Variants in CDC42EP4 observed in about 807,000 individuals in gnomAD.
CDC42EP4 encodes CDC42 effector protein (Rho GTPase binding) 4.
A neutral mutation model predicts 5.6 loss-of-function variants in CDC42EP4; 6 were observed. The ratio of observed to expected loss-of-function variants is 1.07; its 90% CI spans 0.59 to 2.12. The LOEUF (loss-of-function observed/expected upper bound fraction) is 2.12. CDC42EP4 is among the 30% of genes most tolerant of loss of function. The pLI is 0.00. For synonymous variants in CDC42EP4, 230 were observed against 224.2 expected (o/e 1.03, Z -0.23); for missense variants, 490 against 508.6 (o/e 0.96, Z 0.35).
chr17:73,309,511 G>A (rs994621012), intron 1 of CDC42EP4, among the ~76,000 whole-genome samples: 1 of 152,108 alleles, frequency 6.6e-6, no homozygotes, highest in African/African-American at 2.4e-5. Flanking sequence ...GGTTCCAGAG[G>A]CAGCAGCACA....
At position 73,299,543 on chromosome 17, in the gene CDC42EP4, A is replaced by T. The variant is rs541636942; in HGVS notation, c.-113+12350T>A. On this transcript the variant is annotated intron_variant, in intron 1 of 1. Coordinates refer to ENST00000335793, the MANE Select transcript of CDC42EP4 (RefSeq NM_012121.5). ...TGCTCTTGAACTCCTAGCTTCAAGC[A>T]ATCTTCCTGCTTCAGCCTCCCAAAG... is the stretch of plus-strand genomic sequence containing the variant. Among the ~76,000 whole-genome samples, 3 of 151,978 alleles carry T rather than the reference A, an allele frequency of 2.0e-5. No homozygotes were observed. In the East Asian group the frequency reaches 5.8e-4, roughly 29 times the overall value.
chr17:73,301,993 C>T (rs74788916), intron 1 of CDC42EP4, among the ~76,000 whole-genome samples: 2 of 152,084 alleles, frequency 1.3e-5, no homozygotes, highest in South Asian at 4.2e-4. Flanking sequence ...CCCTGCCTGC[C>T]TGGCTAATTT....
At chr17:73,287,448 A>G (rs2062140361) in intron 1 of CDC42EP4, among the ~76,000 whole-genome samples, 1 of 152,084 alleles carries the variant, frequency 6.6e-6, no homozygotes, top group Admixed American at 6.6e-5. Flanking sequence ...TCCCCCCAGG[A>G]TCTGCAGACT....
intron 1 of CDC42EP4, among the ~76,000 whole-genome samples, chr17:73,289,851 AGAAGAAAG>A (rs1448878183): frequency 6.6e-6 from 1 of 151,856 alleles, no homozygotes; most frequent in Non-Finnish European, 1.5e-5. Context: ...GGAAAGGAAG[AGAAGAAAG>A]GAAGAAAGGA....
intron 1 of CDC42EP4, chr17:73,307,287 A>G (rs2062248484): frequency 2.0e-5 from 3 of 152,218 alleles, no homozygotes; most frequent in Admixed American, 2.0e-4. Context: ...ATCCTGGCAC[A>G]GAGCCCAGAG....
rs2062114766 is a variant in CDC42EP4 at position 73,283,769 on chromosome 17, G to A, written c.*1661C>T. On this transcript the variant is annotated 3_prime_UTR_variant, in exon 2 of 2. Coordinates refer to ENST00000335793, the MANE Select transcript of CDC42EP4 (RefSeq NM_012121.5). Reference sequence around the variant, plus strand: ...CCCCTGAGGTTCCTCCCCCACCATGGGACCTAAGCTATTGGAAACAGGAGC... The same window carrying A: ...CCCCTGAGGTTCCTCCCCCACCATGAGACCTAAGCTATTGGAAACAGGAGC... 1 of 152,270 alleles carries A rather than the reference G, an allele frequency of 6.6e-6. No homozygotes were observed. Among genetic ancestry groups the A allele is most frequent in the South Asian group, 2.1e-4 (1 of 4,820 alleles). The allele number at this position is 152,270 out of a possible 1,614,324, so 9.4% of individuals were successfully genotyped here.
chr17:73,286,370 C>G lies in CDC42EP4; in HGVS notation c.131G>C (p.Gly44Ala). ...GAAGGAGGTGTCCCCAAAGGCGTCT[C>G]CGGCCCGGCCAACGTGCATGGTGTG... ...FRHTMHVGRA[G>A]DAFGDTSFLN... The change falls in exon 2 of 2, where the codon GGA becomes GCA. Residue 44 changes from glycine to alanine, a missense_variant. By Grantham distance (60) the Gly-to-Ala change is moderately conservative. Coordinates refer to ENST00000335793, the MANE Select transcript of CDC42EP4 (RefSeq NM_012121.5). This position sits in a 1 kb window ranked among gnomAD's most constrained non-coding sequence, Gnocchi z 7.7. The G allele has an allele frequency of 1.2e-6, 2 of 1,614,098 alleles. No individual in the cohort carries two copies.
At position 73,286,171 on chromosome 17, in the gene CDC42EP4, G is replaced by A; in HGVS notation, c.330C>T (p.Ala110=). 6.2e-7 allele frequency: 1 copy of A among 1,614,072 alleles called. No individual in the cohort carries two copies. The highest frequency in any genetic ancestry group is 8.5e-7 in the Non-Finnish European group (1 of 1,180,030). Residue 110 remains alanine, a synonymous_variant, in exon 2 of 2, where the codon GCC becomes GCT. Transcript: ENST00000335793. This position sits in a 1 kb window ranked among gnomAD's most constrained non-coding sequence, Gnocchi z 7.7. ...GGGACATGGCATTCTTGACAAACAG[G>A]GCCGAGTCCCGCAGGGAGCCCAGCA... ...RDMLGSLRDS[A]LFVKNAMSLP...
intron 1 of CDC42EP4, among the ~76,000 whole-genome samples, chr17:73,305,325 CT>C (rs2062239516): frequency 6.6e-6 from 1 of 152,242 alleles, no homozygotes. Flanking sequence ...CTGGGCCCTC[CT>C]CCTCTAGGAG....
chr17:73,302,482 A>AT (rs536914576), intron 1 of CDC42EP4, among the ~76,000 whole-genome samples: 213 of 147,374 alleles, frequency 1.4e-3, no homozygotes, highest in East Asian at 2.0e-3. Flanking sequence ...TGAATTTTTA[A>AT]TTTTTTTTTT....
At chr17:73,301,975 C>T (rs544329124) in intron 1 of CDC42EP4, among the ~76,000 whole-genome samples, 1 of 152,262 alleles carries the variant, frequency 6.6e-6, no homozygotes, top group Non-Finnish European at 1.5e-5. Context: ...CAGGCGTGAG[C>T]CACCATGCCC....
intron 1 of CDC42EP4, among the ~76,000 whole-genome samples, chr17:73,299,444 T>TACACAC (rs71154990): frequency 7.7e-4 from 98 of 127,968 alleles, no homozygotes; most frequent in African/African-American, 2.8e-3. Flanking sequence ...AAAAAAAAAA[T>TACACAC]ACACACACAC....
At position 73,285,991 on chromosome 17, in the gene CDC42EP4, C is replaced by T. The variant is rs748279477; in HGVS notation, c.510G>A (p.Ala170=). ...GGAGGGGGTCAGGGGAATGTGGACC[C>T]GCGGCCCCATTCCGACGGGGCACTG... is the stretch of plus-strand genomic sequence containing the variant. ...EEAVPRRNGA[A]GPHSPDPLLD... Residue 170 remains alanine (A), a synonymous_variant, in exon 2 of 2, where the codon GCG becomes GCA. Transcript: ENST00000335793. This position sits in a 1 kb window ranked among gnomAD's most constrained non-coding sequence, Gnocchi z 6.8. The T allele has an allele frequency of 2.8e-5, 45 of 1,613,304 alleles. No homozygotes were observed. In the Admixed American group the frequency reaches 5.2e-4, roughly 19 times the overall value.
intron 1 of CDC42EP4, among the ~76,000 whole-genome samples, chr17:73,297,651 GTTTATTTA>G (rs535638965): frequency 1.3e-5 from 2 of 151,248 alleles, no homozygotes; most frequent in African/African-American, 4.8e-5. Context: ...TTTTCTTTTT[GTTTATTTA>G]TTTATTTATT....
At chr17:73,288,286 G>A (rs1196246146) in intron 1 of CDC42EP4, among the ~76,000 whole-genome samples, 2 of 152,162 alleles carry the variant, frequency 1.3e-5, no homozygotes, top group African/African-American at 4.8e-5. Context: ...CTGTCCCCCA[G>A]GCCGGAGTGT....
chr17:73,296,052 TCA>T (rs1378904044), intron 1 of CDC42EP4, among the ~76,000 whole-genome samples: 1 of 151,584 alleles, frequency 6.6e-6, no homozygotes, highest in Non-Finnish European at 1.5e-5. Context: ...GCGAAAAAAG[TCA>T]CACACGTATT....
chr17:73,286,466 A>G lies in CDC42EP4; in HGVS notation c.35T>C (p.Val12Ala). 1 of 1,602,804 alleles carries G rather than the reference A, an allele frequency of 6.2e-7. No homozygotes were observed. Among genetic ancestry groups the G allele is most frequent in the African/African-American group, 1.3e-5 (1 of 74,798 alleles). Residue 12 changes from valine (V) to alanine (A), a missense_variant, in exon 2 of 2, where the codon GTG becomes GCG. Coordinates refer to ENST00000335793, the MANE Select transcript of CDC42EP4 (RefSeq NM_012121.5). This position sits in a 1 kb window ranked among gnomAD's most constrained non-coding sequence, Gnocchi z 7.7. ...CGCTCGGGAACGGCGCTTGGAGTGC[A>G]CCGAGCTGGACACCAGTTGCTTGAG... ...PILKQLVSSSVHSKRRSRADL... is the reference protein window; with the variant it reads ...PILKQLVSSSAHSKRRSRADL...
rs936114473 is a variant in CDC42EP4 at position 73,284,063 on chromosome 17, G to A, written c.*1367C>T. 1.3e-5 allele frequency: 2 copies of A among 152,250 alleles called. No homozygotes were observed. The highest frequency in any genetic ancestry group is 4.8e-5 in the African/African-American group (2 of 41,464). 9.4% of individuals were successfully genotyped at this position (152,250 alleles called of 1,614,324 possible). On this transcript the variant is annotated 3_prime_UTR_variant, in exon 2 of 2. Coordinates refer to ENST00000335793, the MANE Select transcript of CDC42EP4 (RefSeq NM_012121.5). ...CCCTCGGGGACAGTTACAGGACTCAGAGAGAAACGTGAATTTCAGAAAAAC... is the reference window on the plus strand; with the variant it reads ...CCCTCGGGGACAGTTACAGGACTCAAAGAGAAACGTGAATTTCAGAAAAAC...
At chr17:73,297,398 C>T (rs1434919445) in intron 1 of CDC42EP4, among the ~76,000 whole-genome samples, 1 of 151,686 alleles carries the variant, frequency 6.6e-6, no homozygotes, top group Non-Finnish European at 1.5e-5. Flanking sequence ...CTCTTGAACC[C>T]GGGAGGCGGA....
Sources: allele counts gnomAD v4.1 joint callset (sites outside exome capture counted in the v4.1 genomes callset), GRCh38; gene constraint gnomAD v4.1.1; non-coding constraint Gnocchi (gnomAD v3.1); transcripts MANE v1.5; gene names NCBI Gene and HGNC (gene_info 2026-07-23, HGNC 2026-07-21).